CBFA2T3: variants seen among roughly 807,000 people sequenced by gnomAD.
CBFA2T3 encodes the protein transcriptional corepressor CBFA2T3.
CBFA2T3 carries 31 observed loss-of-function variants against 58.6 expected under a neutral mutation model. That is an observed-to-expected ratio of 0.53 (90% CI 0.40 to 0.71). The LOEUF (loss-of-function observed/expected upper bound fraction) is 0.71. Among genes scored for constraint, CBFA2T3 ranks in the 30% least tolerant of loss-of-function variants. CBFA2T3 has a pLI of 0.00. For missense variants in CBFA2T3, 1,076 were observed against 963.1 expected, an observed-to-expected ratio of 1.12 and a Z score of -1.55; for synonymous variants, 531 against 421.9, an observed-to-expected ratio of 1.26 and a Z score of -3.17.
intron 1 of CBFA2T3, among the ~76,000 whole-genome samples, chr16:88,914,427 G>A (rs912990601): frequency 3.3e-5 from 5 of 152,366 alleles, no homozygotes; most frequent in African/African-American, 1.2e-4. Flanking sequence ...GTCACGGGAC[G>A]CTCTCTATTG....
chr16:88,965,784 T>C (rs1323048151), intron 1 of CBFA2T3, among the ~76,000 whole-genome samples: 1 of 152,084 alleles, frequency 6.6e-6, no homozygotes, highest in Non-Finnish European at 1.5e-5. Context: ...CCAGGCTGGG[T>C]GAGGCTGCTT....
chr16:88,974,025 C>G (rs546320379), intron 1 of CBFA2T3, among the ~76,000 whole-genome samples: 7 of 152,216 alleles, frequency 4.6e-5, no homozygotes, highest in African/African-American at 1.2e-4. Context: ...ACCAGGCAGG[C>G]CTGACTCAGT....
At chr16:88,887,301 T>C (rs1294763504) in intron 5 of CBFA2T3, among the ~76,000 whole-genome samples, 1 of 152,168 alleles carries the variant, frequency 6.6e-6, no homozygotes, top group Non-Finnish European at 1.5e-5. Flanking sequence ...ATCAGGAGCA[T>C]GAGCTGGGAA....
Position 88,885,996 on chromosome 16 carries a change from T to G in CBFA2T3, c.858A>C (p.Glu286Asp). ...TCCTCCTCTTGCCGTTCTCGTTGACTTCCAGTAGCAGCTCTGAGGAGTCGA... is the reference window on the plus strand; with the variant it reads ...TCCTCCTCTTGCCGTTCTCGTTGACGTCCAGTAGCAGCTCTGAGGAGTCGA... The part of the protein sequence containing the change: ...SPIDSSELLL[E>D]VNENGKRRTP... The change falls in exon 6 of 12, where the codon GAA (glutamate) becomes GAC (aspartate). Residue 286 changes from glutamate (E) to aspartate (D), a missense_variant. By Grantham distance (45) the Glu-to-Asp change is conservative. Coordinates refer to ENST00000268679, the MANE Select transcript of CBFA2T3 (RefSeq NM_005187.6). This position sits in a 1 kb window ranked among gnomAD's most constrained non-coding sequence, Gnocchi z 5.3. 1 of 1,556,072 alleles carries G rather than the reference T, an allele frequency of 6.4e-7. No homozygotes were observed. Among genetic ancestry groups the G allele is most frequent in the Non-Finnish European group, 8.7e-7 (1 of 1,150,652 alleles).
intron 1 of CBFA2T3, chr16:88,950,477 G>A (rs1407462014): frequency 5.0e-6 from 2 of 401,572 alleles, no homozygotes; most frequent in East Asian, 7.8e-5. Context: ...CCCCTCCCCC[G>A]GACCGGCACC....
intron 3 of CBFA2T3, 60 bp downstream of exon 3, chr16:88,898,018 G>A (rs1969952844): frequency 7.9e-7 from 1 of 1,259,910 alleles, no homozygotes; most frequent in Non-Finnish European, 1.2e-6. Context: ...TGTTGGGCCA[G>A]CTGAGGATGC....
chr16:88,881,481 G>A lies in CBFA2T3; in HGVS notation c.1212C>T (p.Asn404=). The A allele has an allele frequency of 6.2e-7, 1 of 1,602,498 alleles. No homozygotes were observed. Among genetic ancestry groups the A allele is most frequent in the Non-Finnish European group, 8.5e-7 (1 of 1,172,698 alleles). ...TCTTCTCCACCATGTCCATGATGCAGTTCAGGAGCTGGGGGCGGGCGGCGC... is the reference window on the plus strand; with the variant it reads ...TCTTCTCCACCATGTCCATGATGCAATTCAGGAGCTGGGGGCGGGCGGCGC... ...EEWKHLNNLL[N]CIMDMVEKTR... The change falls in exon 9 of 12, where the codon AAC becomes AAT. Residue 404 remains asparagine, a synonymous_variant. Transcript: ENST00000268679.
rs112946076 is a variant in CBFA2T3 at position 88,910,136 on chromosome 16, C to T, written c.152-8480G>A. Among the ~76,000 whole-genome samples the T allele has an allele frequency of 6.2e-3, 940 of 152,308 alleles. 11 individuals carry two copies. The highest frequency in any genetic ancestry group is 0.022 in the African/African-American group (895 of 41,550). ...CCCCACACCCGCCTGTGCTGTGCCT[C>T]GGTCACTCGCCGCACTTGCCCCAGG... On this transcript the variant is annotated intron_variant, in intron 1 of 11. Coordinates refer to ENST00000268679, the MANE Select transcript of CBFA2T3 (RefSeq NM_005187.6).
chr16:88,904,076 C>T (rs1970206744), intron 1 of CBFA2T3, among the ~76,000 whole-genome samples: 1 of 152,240 alleles, frequency 6.6e-6, no homozygotes, highest in Non-Finnish European at 1.5e-5. Context: ...ACAGCCGTCA[C>T]CCAACAAGGG....
chr16:88,912,927 CTG>C (rs1427341418), intron 1 of CBFA2T3, among the ~76,000 whole-genome samples: 1 of 152,230 alleles, frequency 6.6e-6, no homozygotes, highest in African/African-American at 2.4e-5. Flanking sequence ...CTAATTGAGT[CTG>C]TCCTGCAGCA....
chr16:88,944,163 C>T (rs1163847324), intron 1 of CBFA2T3, among the ~76,000 whole-genome samples: 1 of 152,002 alleles, frequency 6.6e-6, no homozygotes, highest in Non-Finnish European at 1.5e-5. Context: ...CAGTGAAACC[C>T]TGTCTCTACT....
chr16:88,885,730 C>G lies in CBFA2T3; in HGVS notation c.893+231G>C, dbSNP rs544164090. ...AGCCGTCCTCCCACCAGCCTCCTCC[C>G]TGTCCTCCTAGGCTCCCCGGAGCAT... On this transcript the variant is annotated intron_variant, in intron 6 of 11. Transcript: ENST00000268679. The surrounding 1 kb of genome is among the most constrained non-coding windows in gnomAD (Gnocchi z 5.3). The G allele has an allele frequency of 1.2e-3, 634 of 550,854 alleles. 1 individual carries two copies. The highest frequency in any genetic ancestry group is 1.3e-3 in the Non-Finnish European group (417 of 309,924). 34.1% of individuals were successfully genotyped at this position (550,854 alleles called of 1,614,324 possible). A position where few individuals can be genotyped will look rare whatever the true frequency, so the allele number is the denominator to read the frequency against.
In CBFA2T3 at chr16:88,953,068, C is replaced by G. The variant is rs543550374; in HGVS notation, c.151+23589G>C. Among the ~76,000 whole-genome samples, 9 of 152,312 alleles carry G rather than the reference C, an allele frequency of 5.9e-5. No homozygotes were observed. The highest frequency in any genetic ancestry group is 2.2e-4 in the African/African-American group (9 of 41,576). ...TCTAATGAGTGACCGTCCTCACCCA[C>G]GAGAAAAAACACAACCTGGTCTCCG... On this transcript the variant is annotated intron_variant, in intron 1 of 11. Coordinates refer to ENST00000268679, the MANE Select transcript of CBFA2T3 (RefSeq NM_005187.6). The surrounding 1 kb of genome is among the most constrained non-coding windows in gnomAD (Gnocchi z 4.9).
chr16:88,879,020 G>A (rs906995734), intron 11 of CBFA2T3, among the ~76,000 whole-genome samples: 1 of 152,234 alleles, frequency 6.6e-6, no homozygotes, highest in Admixed American at 6.5e-5. Flanking sequence ...CCTCAGACAA[G>A]CTGCCAACCC....
rs543550374 is a variant in CBFA2T3 at position 88,953,068 on chromosome 16, C to T, written c.151+23589G>A. 9.2e-5 allele frequency among the ~76,000 whole-genome samples: 14 copies of T among 152,312 alleles called. No individual in the cohort carries two copies. The highest frequency in any genetic ancestry group is 1.8e-4 in the Non-Finnish European group (12 of 68,028). ...TCTAATGAGTGACCGTCCTCACCCA[C>T]GAGAAAAAACACAACCTGGTCTCCG... is the stretch of plus-strand genomic sequence containing the variant. On this transcript the variant is annotated intron_variant, in intron 1 of 11. Coordinates refer to ENST00000268679, the MANE Select transcript of CBFA2T3 (RefSeq NM_005187.6). The surrounding 1 kb of genome is among the most constrained non-coding windows in gnomAD (Gnocchi z 4.9).
chr16:88,892,926 G>A (rs1969705659), intron 3 of CBFA2T3, among the ~76,000 whole-genome samples: 1 of 152,200 alleles, frequency 6.6e-6, no homozygotes, highest in South Asian at 2.1e-4. Flanking sequence ...ACACCCAGCA[G>A]GGGTGCGGCC....
At chr16:88,900,827 T>C (rs1259407551) in intron 2 of CBFA2T3, among the ~76,000 whole-genome samples, 1 of 152,258 alleles carries the variant, frequency 6.6e-6, no homozygotes, top group Non-Finnish European at 1.5e-5. Flanking sequence ...GGCTGTTCCC[T>C]GCCCCACAGC....
intron 1 of CBFA2T3, chr16:88,941,219 T>A (rs891500644): frequency 3.1e-6 from 3 of 965,162 alleles, no homozygotes; most frequent in Non-Finnish European, 3.7e-6. Context: ...TGCCGGGGAC[T>A]CGGCTCCGGC....
intron 1 of CBFA2T3, among the ~76,000 whole-genome samples, chr16:88,949,309 A>G (rs1460256064): frequency 6.6e-6 from 1 of 152,344 alleles, no homozygotes; most frequent in Non-Finnish European, 1.5e-5. Flanking sequence ...CTGTAATCCC[A>G]GCACTTCGGG....
Sources: gnomAD v4.1 joint callset for allele counts (sites outside exome capture counted in the v4.1 genomes callset) on GRCh38, gnomAD v4.1.1 for gene constraint, Gnocchi (gnomAD v3.1) non-coding constraint, MANE v1.5 for transcripts, NCBI Gene and HGNC (gene_info 2026-07-23, HGNC 2026-07-21) for gene names.